HIVEP1: variants seen among roughly 807,000 people sequenced by gnomAD.
HIVEP1 encodes HIVEP zinc finger 1.
Under a neutral mutation model 180.0 loss-of-function variants are expected in HIVEP1, and 36 were observed. The observed-to-expected ratio is 0.20, with a 90% confidence interval of 0.15 to 0.26. HIVEP1 has a LOEUF of 0.26. Ranked by LOEUF, HIVEP1 falls within the 10% of genes least tolerant of loss-of-function variation. HIVEP1 has a pLI of 1.00. For synonymous variants in HIVEP1, 1,239 were observed against 1,239.0 expected (o/e 1.00, Z 0.00); for missense variants, 3,143 against 3,268.7 (o/e 0.96, Z 0.94).
Position 12,125,509 on chromosome 6 carries a change from A to C in HIVEP1, c.5714A>C (p.Asp1905Ala). The change falls in exon 4 of 9, where the codon GAC (aspartate) becomes GCC (alanine). Residue 1905 changes from aspartate (D) to alanine (A), a missense_variant. Around this residue, in one of 12 missense-constraint regions of HIVEP1, gnomAD observed 1,357 missense variants for 1,260.5 expected, o/e 1.08. Transcript: ENST00000379388. ...RKSPGVKNQG[D>A]KVNIQEQSQQ... Reference sequence around the variant, plus strand: ...TCTCCAGGGGTTAAAAATCAAGGTGACAAAGTGAACATCCAAGAGCAAAGT... The same window carrying C: ...TCTCCAGGGGTTAAAAATCAAGGTGCCAAAGTGAACATCCAAGAGCAAAGT... 6.2e-7 allele frequency: 1 copy of C among 1,614,176 alleles called. No homozygotes were observed. The highest frequency in any genetic ancestry group is 8.5e-7 in the Non-Finnish European group (1 of 1,180,010).
intron 2 of HIVEP1, among the ~76,000 whole-genome samples, chr6:12,017,257 G>A (rs758883166): frequency 2.6e-5 from 4 of 152,156 alleles, no homozygotes; most frequent in Non-Finnish European, 5.9e-5. Flanking sequence ...TGGTCTCACT[G>A]ACTTCAAGAA....
chr6:12,009,295 C>T (rs1284779701), upstream of HIVEP1, among the ~76,000 whole-genome samples: 1 of 151,438 alleles, frequency 6.6e-6, no homozygotes, highest in Admixed American at 6.6e-5. Context: ...CCAGTGGACG[C>T]GGCTCCGGGG....
chr6:12,013,346 T>C (rs1767514905), intron 1 of HIVEP1, among the ~76,000 whole-genome samples: 1 of 152,242 alleles, frequency 6.6e-6, no homozygotes, highest in South Asian at 2.1e-4. Context: ...TGTCATGTTT[T>C]TGCTCCATGT....
chr6:12,023,664 T>G (rs76632692), intron 2 of HIVEP1, among the ~76,000 whole-genome samples: 14 of 152,122 alleles, frequency 9.2e-5, no homozygotes, highest in Middle Eastern at 3.4e-3. Context: ...CCTTTTTTTT[T>G]GCAGATAATT....
chr6:12,168,241 T>A (rs1425704671), downstream of HIVEP1, among the ~76,000 whole-genome samples: 1 of 83,344 alleles, frequency 1.2e-5, no homozygotes, highest in Non-Finnish European at 2.4e-5. Flanking sequence ...ACATATATAT[T>A]ATATATACAG....
chr6:12,130,969 C>G, intron 6 of HIVEP1, 27 bp downstream of exon 6: 1 of 1,535,580 alleles, frequency 6.5e-7, no homozygotes, highest in Non-Finnish European at 8.9e-7. Context: ...GCTTCAAGGT[C>G]CTTTTAATAT....
intron 2 of HIVEP1, among the ~76,000 whole-genome samples, chr6:12,025,429 G>GA (rs1307842329): frequency 6.6e-6 from 1 of 152,126 alleles, no homozygotes; most frequent in Admixed American, 6.5e-5. Flanking sequence ...CTTTAAGAGG[G>GA]AAAGAATAGT....
rs556184859 is a variant in HIVEP1, at chr6:12,063,495, C to T, written c.41-25689C>T. The stretch of plus-strand genomic sequence containing the variant: ...TGGAAAGTGGGGAGGGAGGAGCTGG[C>T]TCATGTTGGCAGGTGTGGCTGCACG... On this transcript the variant is annotated intron_variant, in intron 2 of 8. Coordinates refer to ENST00000379388, the MANE Select transcript of HIVEP1 (RefSeq NM_002114.4). The surrounding 1 kb of genome is among the most constrained non-coding windows in gnomAD (Gnocchi z 4.2). 2.0e-5 allele frequency among the ~76,000 whole-genome samples: 3 copies of T among 152,162 alleles called. No individual in the cohort carries two copies. In the East Asian group the frequency reaches 5.8e-4, roughly 29 times the overall value.
intron 7 of HIVEP1, among the ~76,000 whole-genome samples, chr6:12,149,928 C>T (rs1487367769): frequency 1.3e-5 from 2 of 152,176 alleles, no homozygotes; most frequent in Non-Finnish European, 2.9e-5. Flanking sequence ...CGGTACCTGT[C>T]TTATCTTTTA....
intron 2 of HIVEP1, among the ~76,000 whole-genome samples, chr6:12,021,486 T>G (rs1251471474): frequency 1.3e-5 from 2 of 152,216 alleles, no homozygotes; most frequent in African/African-American, 4.8e-5. Flanking sequence ...TTGTCAGATA[T>G]CCTCCTCCCC....
At chr6:12,042,274 G>C (rs1233222399) in intron 2 of HIVEP1, among the ~76,000 whole-genome samples, 1 of 148,906 alleles carries the variant, frequency 6.7e-6, no homozygotes, top group African/African-American at 2.5e-5. Flanking sequence ...GTAGAGACGG[G>C]GTTTCACCTT....
intron 2 of HIVEP1, among the ~76,000 whole-genome samples, chr6:12,047,253 T>C (rs1033776094): frequency 6.6e-6 from 1 of 152,224 alleles, no homozygotes; most frequent in Admixed American, 6.5e-5. Context: ...CCTACAAATA[T>C]GTGTAAGTCT....
intron 6 of HIVEP1, among the ~76,000 whole-genome samples, chr6:12,134,958 A>G (rs1452754157): frequency 6.6e-6 from 1 of 152,248 alleles, no homozygotes; most frequent in African/African-American, 2.4e-5. Context: ...AGTTTTTCAT[A>G]GTCAAGCTTG....
intron 3 of HIVEP1, among the ~76,000 whole-genome samples, chr6:12,090,828 T>G (rs937643132): frequency 1.6e-4 from 24 of 151,376 alleles, no homozygotes; most frequent in African/African-American, 5.8e-4. Flanking sequence ...CTTTTCCTTG[T>G]TACTTCTTTG....
In HIVEP1 at chr6:12,129,835, A is replaced by T; in HGVS notation, c.6152A>T (p.Asp2051Val). The T allele has an allele frequency of 6.3e-7, 1 of 1,585,528 alleles. No homozygotes were observed. The highest frequency in any genetic ancestry group is 8.7e-7 in the Non-Finnish European group (1 of 1,154,580). ...KDASEINSEQ[D>V]KENSLIKSEP... ...GCCTCTGAAATTAACAGTGAGCAAG[A>T]TAAAGAAAATTCCTTAATCAAAAGT... Residue 2051 changes from aspartate (D) to valine (V), a missense_variant, in exon 5 of 9, where the codon GAT becomes GTT. By Grantham distance (152) the Asp-to-Val change is radical (BLOSUM62 -3). Coordinates refer to ENST00000379388, the MANE Select transcript of HIVEP1 (RefSeq NM_002114.4).
chr6:12,121,660 C>G lies in HIVEP1; in HGVS notation c.1865C>G (p.Ser622Cys), dbSNP rs759783535. 1 of 1,614,136 alleles carries G rather than the reference C, an allele frequency of 6.2e-7. No homozygotes were observed. Among genetic ancestry groups the G allele is most frequent in the African/African-American group, 1.3e-5 (1 of 75,012 alleles). ...TCCAGGTTGGAGACTAATGAGAATTCCCACCAGAAAGGCGACATGAATCCA... is the reference window on the plus strand; with the variant it reads ...TCCAGGTTGGAGACTAATGAGAATTGCCACCAGAAAGGCGACATGAATCCA... ...GVSRLETNEN[S>C]HQKGDMNPLE... Residue 622 changes from serine to cysteine, a missense_variant, in exon 4 of 9, where the codon TCC becomes TGC. Transcript: ENST00000379388. The surrounding 1 kb of genome is among the most constrained non-coding windows in gnomAD (Gnocchi z 5.3).
At chr6:12,072,263 TTG>T (rs1406309827) in intron 2 of HIVEP1, among the ~76,000 whole-genome samples, 1 of 152,190 alleles carries the variant, frequency 6.6e-6, no homozygotes, top group African/African-American at 2.4e-5. Context: ...TGGCAAGAAA[TTG>T]TCTCAACTTT....
intron 2 of HIVEP1, among the ~76,000 whole-genome samples, chr6:12,086,844 A>C (rs1022782367): frequency 1.3e-5 from 2 of 152,154 alleles, no homozygotes; most frequent in African/African-American, 4.8e-5. Context: ...ATAACGCTTT[A>C]CATATCAGTA....
rs948964902 is a variant in HIVEP1, at chr6:12,164,168, G to C, written c.7864G>C (p.Gly2622Arg). 3 of 1,614,094 alleles carry C rather than the reference G, an allele frequency of 1.9e-6. No homozygotes were observed. The African/African-American group carries it at 4.0e-5, about 22-fold the overall frequency. Residue 2622 changes from glycine (G) to arginine (R), a missense_variant, in exon 9 of 9, where the codon GGT becomes CGT. By Grantham distance (125) the Gly-to-Arg change is moderately radical (BLOSUM62 -2). Coordinates refer to ENST00000379388, the MANE Select transcript of HIVEP1 (RefSeq NM_002114.4). ...AGTTCTGAATCCACCTGCCCCTGCA[G>C]GTGACCATGCAAGGCTTGATGGCCT... ...KKVLNPPAPA[G>R]DHARLDGLSK...
Sources: allele counts gnomAD v4.1 joint callset (sites outside exome capture counted in the v4.1 genomes callset), GRCh38; gene constraint gnomAD v4.1.1; regional missense constraint gnomAD v4.1.1; non-coding constraint Gnocchi (gnomAD v3.1); transcripts MANE v1.5; gene names NCBI Gene and HGNC (gene_info 2026-07-23, HGNC 2026-07-21).